The following SARNP variants were observed in gnomAD, a reference collection of about 807,000 sequenced individuals.
The protein encoded by SARNP is SAP domain containing ribonucleoprotein, also known as SAP domain-containing ribonucleoprotein.
In SARNP, 5 loss-of-function variants were observed where a neutral mutation model predicts 38.1. The observed-to-expected ratio is 0.13, with a 90% CI of 0.07 to 0.28. The LOEUF (loss-of-function observed/expected upper bound fraction) is 0.28. Ranked by LOEUF, SARNP falls within the 10% of genes least tolerant of loss-of-function variation. The pLI, the probability that SARNP is intolerant of heterozygous loss-of-function variation, is 1.00. For synonymous variants in SARNP, 84 were observed against 80.6 expected (o/e 1.04, Z -0.23); for missense variants, 180 against 243.9 (o/e 0.74, Z 1.75).
intron 9 of SARNP, among the ~76,000 whole-genome samples, chr12:55,788,469 T>C (rs1388422430): frequency 6.6e-6 from 1 of 152,146 alleles, no homozygotes; most frequent in African/African-American, 2.4e-5. Context: ...AGTTTTAACA[T>C]CACTGAATTT....
At position 55,803,675 on chromosome 12, in the gene SARNP, T is replaced by C; in HGVS notation, c.90A>G (p.Ile30Met). The C allele has an allele frequency of 6.2e-7, 1 of 1,613,756 alleles. No homozygotes were observed. Among genetic ancestry groups the C allele is most frequent in the East Asian group, 2.2e-5 (1 of 44,874 alleles). ...CLARGLETKG[I>M]KQDLIHRLQA... ...GGAGTCTGTGGATAAGATCTTGCTT[T>C]ATTCCCTTGGTCTCCAAACCACGAG... The change falls in exon 2 of 11, where the codon ATA becomes ATG. Residue 30 changes from isoleucine to methionine, a missense_variant. Coordinates refer to ENST00000336133, the MANE Select transcript of SARNP (RefSeq NM_033082.4).
chr12:55,807,445 G>A (rs1428553313), intron 1 of SARNP, among the ~76,000 whole-genome samples: 1 of 151,926 alleles, frequency 6.6e-6, no homozygotes, highest in Non-Finnish European at 1.5e-5. Context: ...CAAGGCGGGA[G>A]GATTGCCTGA....
At chr12:55,784,838 T>C (rs1301990943) in intron 9 of SARNP, among the ~76,000 whole-genome samples, 1 of 152,186 alleles carries the variant, frequency 6.6e-6, no homozygotes. Flanking sequence ...ATGTTTAAAT[T>C]AGGATAGTTC....
chr12:55,811,600 CAAACA>C (rs1565684760), intron 1 of SARNP, among the ~76,000 whole-genome samples: 62 of 152,134 alleles, frequency 4.1e-4, no homozygotes, highest in Middle Eastern at 3.4e-3. Context: ...AACAAACAAA[CAAACA>C]AACCACAGCT....
intron 9 of SARNP, among the ~76,000 whole-genome samples, chr12:55,783,025 C>T (rs1254985345): frequency 1.3e-5 from 2 of 151,840 alleles, no homozygotes; most frequent in Non-Finnish European, 2.9e-5. Flanking sequence ...GTGGGAGGAT[C>T]ACTTGACCCT....
Position 55,757,305 on chromosome 12 carries a change from T to C in SARNP, c.*207A>G. 1 of 408,462 alleles carries C rather than the reference T, an allele frequency of 2.4e-6. No homozygotes were observed. Among genetic ancestry groups the C allele is most frequent in the Non-Finnish European group, 4.4e-6 (1 of 228,104 alleles). 25.3% of individuals were successfully genotyped at this position (408,462 alleles called of 1,614,324 possible). On this transcript the variant is annotated 3_prime_UTR_variant, in exon 11 of 11. Coordinates refer to ENST00000336133, the MANE Select transcript of SARNP (RefSeq NM_033082.4). ...TATTTTTTTTTATTAACAAGCAACA[T>C]AATCAAAAACAAAAACACAACAACC...
At chr12:55,809,311 G>A (rs973282196) in intron 1 of SARNP, among the ~76,000 whole-genome samples, 10 of 152,006 alleles carry the variant, frequency 6.6e-5, no homozygotes, top group African/African-American at 1.7e-4. Context: ...GAGCATAGTC[G>A]CATGTGCCTA....
chr12:55,763,172 C>T (rs1473302847), intron 9 of SARNP, among the ~76,000 whole-genome samples: 1 of 151,844 alleles, frequency 6.6e-6, no homozygotes, highest in Non-Finnish European at 1.5e-5. Context: ...AAGCCAGGTT[C>T]AAAGAAAAAC....
intron 5 of SARNP, 43 bp from the exon 6 acceptor site, chr12:55,794,923 T>C: frequency 9.6e-7 from 1 of 1,042,706 alleles, no homozygotes; most frequent in Non-Finnish European, 1.4e-6. Flanking sequence ...AGTCAATTTA[T>C]GGTTTAAGAA....
chr12:55,774,256 C>T (rs527413657), intron 9 of SARNP, among the ~76,000 whole-genome samples: 20 of 152,168 alleles, frequency 1.3e-4, no homozygotes, highest in African/African-American at 4.6e-4. Context: ...CCCACTCTGG[C>T]CTCCCAAAGT....
chr12:55,810,817 C>T (rs913170897), intron 1 of SARNP, among the ~76,000 whole-genome samples: 1 of 151,850 alleles, frequency 6.6e-6, no homozygotes, highest in Non-Finnish European at 1.5e-5. Context: ...TGGCTCACGC[C>T]TGTAATCCCA....
intron 2 of SARNP, among the ~76,000 whole-genome samples, chr12:55,802,890 T>A (rs1346467666): frequency 6.8e-6 from 1 of 148,116 alleles, no homozygotes; most frequent in Non-Finnish European, 1.5e-5. Flanking sequence ...ACAGACTAGA[T>A]AACTACACAG....
chr12:55,789,126 C>T lies in SARNP; in HGVS notation c.450G>A (p.Leu150=), dbSNP rs762972807. 7.5e-6 allele frequency: 12 copies of T among 1,600,202 alleles called. No individual in the cohort carries two copies. The highest frequency in any genetic ancestry group is 1.1e-5 in the South Asian group (1 of 87,960). ...AACCAAATCTTTGAGCTCTTTCCTT[C>T]AGCTTATCCAAGTTAACCTATAAAA... ...DNKPMVNLDK[L]KERAQRFGLN... is the part of the protein sequence containing the mutation. Residue 150 remains leucine (L), a synonymous_variant, in exon 9 of 11, where the codon CTG becomes CTA. Coordinates refer to ENST00000336133, the MANE Select transcript of SARNP (RefSeq NM_033082.4).
chr12:55,814,561 ATC>A (rs550741608), intron 1 of SARNP, among the ~76,000 whole-genome samples: 21 of 152,052 alleles, frequency 1.4e-4, no homozygotes, highest in African/African-American at 2.4e-4. Flanking sequence ...CCACAGTTCA[ATC>A]TCTCTTTCCA....
chr12:55,757,963 A>G (rs1320477959), intron 10 of SARNP, among the ~76,000 whole-genome samples: 1 of 152,202 alleles, frequency 6.6e-6, no homozygotes, highest in Non-Finnish European at 1.5e-5. Context: ...GGATTAACCA[A>G]TGCTATTCAT....
rs549927756 is a variant in SARNP, at chr12:55,758,164, G to A, written c.592-611C>T. 1.3e-4 allele frequency among the ~76,000 whole-genome samples: 20 copies of A among 152,324 alleles called. No homozygotes were observed. The East Asian group carries it at 1.7e-3, about 13-fold the overall frequency. ...AACACTGGAGAGGACACAAAATGGT[G>A]AGGGAAGACTTCTGGTTCTGGAAGT... On this transcript the variant is annotated intron_variant, in intron 10 of 10. Coordinates refer to ENST00000336133, the MANE Select transcript of SARNP (RefSeq NM_033082.4).
Position 55,760,782 on chromosome 12 carries a change from A to G in SARNP, c.502-142T>C, listed in dbSNP as rs191704131. 670 of 631,122 alleles carry G rather than the reference A, an allele frequency of 1.1e-3. 5 individuals carry two copies. In the African/African-American group the frequency reaches 0.011, roughly 10 times the overall value. The allele number at this position is 631,122 out of a possible 1,614,324, so 39.1% of individuals were successfully genotyped here. ...AGGATCACATAAAGAGATAAGATAC[A>G]TAAGAAACTGAATAAGCTAGCATAT... On this transcript the variant is annotated intron_variant, in intron 9 of 10. Transcript: ENST00000336133.
At chr12:55,758,117 T>C (rs1024428098) in intron 10 of SARNP, among the ~76,000 whole-genome samples, 5 of 152,050 alleles carry the variant, frequency 3.3e-5, no homozygotes, top group South Asian at 2.1e-4. Context: ...GTCCCTATCA[T>C]AGATCTCTTA....
At chr12:55,801,896 C>T (rs1879990561) in intron 2 of SARNP, among the ~76,000 whole-genome samples, 1 of 152,138 alleles carries the variant, frequency 6.6e-6, no homozygotes. Context: ...GAGTTACAGG[C>T]ATGAACCACC....
Sources: gnomAD v4.1 joint callset for allele counts (sites outside exome capture counted in the v4.1 genomes callset) on GRCh38, gnomAD v4.1.1 for gene constraint, MANE v1.5 for transcripts, NCBI Gene and HGNC (gene_info 2026-07-23, HGNC 2026-07-21) for gene names.